The following CHST9 variants were observed in gnomAD, a reference collection of about 807,000 sequenced individuals.
CHST9 encodes the protein GalNAc-4-sulfotransferase 2.
CHST9 carries 41 observed loss-of-function variants against 44.4 expected under a neutral mutation model. The observed-to-expected ratio is 0.92, with a 90% CI of 0.72 to 1.20. The LOEUF (loss-of-function observed/expected upper bound fraction) is 1.20, where lower values mean the gene tolerates loss of function less well. Among genes scored for constraint, CHST9 ranks in the 50% most tolerant of loss-of-function variants. The pLI is 0.00. For missense variants in CHST9, 504 were observed against 516.5 expected, an observed-to-expected ratio of 0.98 and a Z score of 0.23; for synonymous variants, 171 against 178.4, an observed-to-expected ratio of 0.96 and a Z score of 0.33.
chr18:27,024,540 CA>C (rs1434618072), intron 3 of CHST9, among the ~76,000 whole-genome samples: 1 of 152,146 alleles, frequency 6.6e-6, no homozygotes, highest in Non-Finnish European at 1.5e-5. Flanking sequence ...TGCTAATATA[CA>C]ATAATATTTT....
intron 2 of CHST9, among the ~76,000 whole-genome samples, chr18:27,135,280 G>C (rs1304851707): frequency 1.3e-5 from 2 of 152,170 alleles, no homozygotes; most frequent in African/African-American, 4.8e-5. Flanking sequence ...ATACTTGTTT[G>C]GGAAGAGTAT....
rs550846672 is a variant in CHST9 at position 27,180,194 on chromosome 18, C to T, written c.-97+4942G>A. On this transcript the variant is annotated intron_variant, in intron 1 of 5. Transcript: ENST00000618847. ...CTTTCACTTTCGTGCACTTCTTGCA[C>T]GGGATGTCTTCTAATGTTTTATTTG... Among the ~76,000 whole-genome samples, 235 of 152,210 alleles carry T rather than the reference C, an allele frequency of 1.5e-3. 2 individuals are homozygous for T. Among genetic ancestry groups the T allele is most frequent in the Non-Finnish European group, 1.4e-3 (98 of 67,970 alleles).
At position 26,909,778 on chromosome 18, in the gene CHST9, TAGG is replaced by T. The variant is rs1024406694; in HGVS notation, c.*6478_*6480del. On this transcript the variant is annotated 3_prime_UTR_variant, in exon 6 of 6. Coordinates refer to ENST00000618847, the MANE Select transcript of CHST9 (RefSeq NM_031422.6). Reference sequence around the variant, plus strand: ...GAAGTGGGGGGAGGAGTAGGAGGAGTAGGAGGAGGAGGAGGAAGAGGAGGGAAG... The same window carrying T: ...GAAGTGGGGGGAGGAGTAGGAGGAGTAGGAGGAGGAGGAAGAGGAGGGAAG... 1.2e-4 allele frequency: 18 copies of T among 146,852 alleles called. No homozygotes were observed. Among genetic ancestry groups the T allele is most frequent in the East Asian group, 4.0e-4 (2 of 5,044 alleles). The allele number at this position is 146,852 out of a possible 1,614,324, so 9.1% of individuals were successfully genotyped here.
intron 5 of CHST9, among the ~76,000 whole-genome samples, chr18:26,927,545 T>C (rs2055793007): frequency 6.6e-6 from 1 of 151,944 alleles, no homozygotes; most frequent in South Asian, 2.1e-4. Flanking sequence ...TGTCTCTGTA[T>C]CATAAACAAG....
At chr18:26,930,928 AT>A (rs2055866202) in intron 5 of CHST9, 13 of 98,168 alleles carry the variant, frequency 1.3e-4, no homozygotes, top group Admixed American at 2.2e-4. Flanking sequence ...CAGAATATAC[AT>A]GGGGTGGGGT....
intron 3 of CHST9, among the ~76,000 whole-genome samples, chr18:27,041,388 G>A (rs2057443033): frequency 6.6e-6 from 1 of 152,094 alleles, no homozygotes; most frequent in Non-Finnish European, 1.5e-5. Flanking sequence ...CATACATGTT[G>A]TTTGTGAAAG....
intron 3 of CHST9, among the ~76,000 whole-genome samples, chr18:27,033,695 T>C (rs560929110): frequency 1.3e-5 from 2 of 152,338 alleles, no homozygotes; most frequent in African/African-American, 4.8e-5. Flanking sequence ...TTCATTTTGT[T>C]GGCTCTAATG....
At position 27,131,409 on chromosome 18, in the gene CHST9, G is replaced by GC. The variant is rs541894698; in HGVS notation, c.121+11279_121+11280insG. ...TAATAAAAATACAGAAAATTAGCTG[G>GC]GCGTGGTGGCGCACGCCTGTACTTC... On this transcript the variant is annotated intron_variant, in intron 2 of 5. Coordinates refer to ENST00000618847, the MANE Select transcript of CHST9 (RefSeq NM_031422.6). Among the ~76,000 whole-genome samples the GC allele has an allele frequency of 1.2e-3, 178 of 151,242 alleles. 1 individual carries two copies. The highest frequency in any genetic ancestry group is 3.5e-3 in the African/African-American group (145 of 41,176).
At chr18:27,151,424 A>G (rs2143898128) in intron 1 of CHST9, among the ~76,000 whole-genome samples, 1 of 152,270 alleles carries the variant, frequency 6.6e-6, no homozygotes, top group South Asian at 2.1e-4. Flanking sequence ...GAATTTGACA[A>G]TGGTGTATGT....
chr18:26,964,027 T>C (rs1473488160), intron 4 of CHST9, among the ~76,000 whole-genome samples: 1 of 152,190 alleles, frequency 6.6e-6, no homozygotes, highest in African/African-American at 2.4e-5. Flanking sequence ...GTTCTTCTTA[T>C]AGTTTCATAA....
intron 4 of CHST9, among the ~76,000 whole-genome samples, chr18:26,987,539 T>G (rs2056768231): frequency 1.3e-5 from 2 of 152,156 alleles, no homozygotes; most frequent in Admixed American, 6.5e-5. Flanking sequence ...TATTGTGGGA[T>G]TTATGGTATA....
At chr18:27,105,159 T>C (rs1372733052) in intron 2 of CHST9, among the ~76,000 whole-genome samples, 1 of 152,036 alleles carries the variant, frequency 6.6e-6, no homozygotes, top group Non-Finnish European at 1.5e-5. Flanking sequence ...TTTTAAAAAA[T>C]AATTTATTAC....
At chr18:26,996,351 C>A (rs1001222262) in intron 4 of CHST9, among the ~76,000 whole-genome samples, 1 of 152,102 alleles carries the variant, frequency 6.6e-6, no homozygotes, top group South Asian at 2.1e-4. Context: ...TAACCCTCAA[C>A]GTTGGAGGTG....
At chr18:27,158,477 A>G (rs62082922) in intron 1 of CHST9, among the ~76,000 whole-genome samples, 41,230 of 144,008 alleles carry the variant, frequency 0.29, 6,325 homozygotes, top group Middle Eastern at 0.39. Flanking sequence ...GTGTATATGT[A>G]CCACAATTTC....
In CHST9 at chr18:26,916,286, C is replaced by A; in HGVS notation, c.1305G>T (p.Met435Ile). 1 of 1,585,646 alleles carries A rather than the reference C, an allele frequency of 6.3e-7. No homozygotes were observed. Among genetic ancestry groups the A allele is most frequent in the Non-Finnish European group, 8.6e-7 (1 of 1,157,016 alleles). Residue 435 changes from methionine to isoleucine, a missense_variant, in exon 6 of 6, where the codon ATG (methionine) becomes ATT (isoleucine). Met to Ile is a conservative substitution (Grantham distance 10). Transcript: ENST00000618847. ...ACAAAAATGGAGTTGTATAATTAAA[C>A]ATTAAATAGTCCAAGTAATAAAAGT... Reference protein sequence around the residue: ...IYDFYYLDYLMFNYTTPFL With the variant: ...IYDFYYLDYLIFNYTTPFL
intron 2 of CHST9, among the ~76,000 whole-genome samples, chr18:27,054,264 T>C (rs1598678075): frequency 2.6e-5 from 4 of 152,126 alleles, no homozygotes. Flanking sequence ...GAAAAGTGGG[T>C]GATAAAATAA....
chr18:26,919,989 A>T (rs1320219156), intron 5 of CHST9, among the ~76,000 whole-genome samples: 7 of 152,152 alleles, frequency 4.6e-5, no homozygotes, highest in African/African-American at 1.7e-4. Flanking sequence ...TGTGAAATCA[A>T]TGTGTTCTCC....
At chr18:27,162,565 G>T (rs1198636080) in intron 1 of CHST9, among the ~76,000 whole-genome samples, 1 of 152,026 alleles carries the variant, frequency 6.6e-6, no homozygotes, top group Non-Finnish European at 1.5e-5. Flanking sequence ...TTCAACTTTG[G>T]TGAATCTGAC....
intron 4 of CHST9, among the ~76,000 whole-genome samples, chr18:26,975,226 G>T (rs1048868665): frequency 2.0e-5 from 3 of 152,158 alleles, no homozygotes; most frequent in Non-Finnish European, 4.4e-5. Flanking sequence ...CAGTGAGGGT[G>T]GGGGGAAGAG....
Sources: gnomAD v4.1 joint callset for allele counts (sites outside exome capture counted in the v4.1 genomes callset) on GRCh38, gnomAD v4.1.1 for gene constraint, MANE v1.5 for transcripts, NCBI Gene and HGNC (gene_info 2026-07-23, HGNC 2026-07-21) for gene names.